C12orf42: variants seen among roughly 807,000 people sequenced by gnomAD.
C12orf42 encodes uncharacterized protein C12orf42.
A neutral mutation model predicts 21.6 loss-of-function variants in C12orf42; 25 were observed. That is an observed-to-expected ratio of 1.16 (90% CI 0.84 to 1.62). The LOEUF (loss-of-function observed/expected upper bound fraction) is 1.62. C12orf42 is among the 40% of genes most tolerant of loss of function. The probability of loss-of-function intolerance (pLI) is 0.00; values close to 1 mark genes in which losing one functional copy is unlikely to be tolerated. For missense variants in C12orf42, 483 were observed against 459.3 expected, an observed-to-expected ratio of 1.05 and a Z score of -0.47; for synonymous variants, 174 against 175.0, an observed-to-expected ratio of 0.99 and a Z score of 0.05.
At chr12:103,239,286 A>G (rs1174703180) in intron 10 of C12orf42, among the ~76,000 whole-genome samples, 1 of 152,162 alleles carries the variant, frequency 6.6e-6, no homozygotes, top group East Asian at 1.9e-4. Context: ...CATCATCATG[A>G]TCACCATCAG....
chr12:103,415,707 C>T (rs546584869), intron 2 of C12orf42, among the ~76,000 whole-genome samples: 2 of 152,112 alleles, frequency 1.3e-5, no homozygotes, highest in African/African-American at 4.8e-5. Flanking sequence ...GTAACATATG[C>T]TTTCAGAGTT....
At chr12:103,522,941 G>A in the C12orf42 span, among the ~76,000 whole-genome samples, 1 of 152,180 alleles carries the variant, frequency 6.6e-6, no homozygotes, top group African/African-American at 2.4e-5. Context: ...AAGTCCCATT[G>A]TTACAGGATT....
intron 2 of C12orf42, among the ~76,000 whole-genome samples, chr12:103,466,127 G>A (rs1953108441): frequency 1.3e-5 from 2 of 152,138 alleles, no homozygotes; most frequent in South Asian, 2.1e-4. Context: ...ATGACTTAGG[G>A]AGGTGTCACT....
intron 4 of C12orf42, among the ~76,000 whole-genome samples, chr12:103,319,259 A>G (rs975411587): frequency 6.6e-6 from 1 of 152,220 alleles, no homozygotes; most frequent in Non-Finnish European, 1.5e-5. Flanking sequence ...TTTTCCCCTC[A>G]TGCTAGAGAA....
At chr12:103,323,899 A>G (rs529734613) in intron 4 of C12orf42, among the ~76,000 whole-genome samples, 11 of 152,212 alleles carry the variant, frequency 7.2e-5, no homozygotes, top group Non-Finnish European at 1.5e-4. Context: ...ACTTAGTATC[A>G]TATTGGATGA....
the C12orf42 span, among the ~76,000 whole-genome samples, chr12:103,167,606 G>A: frequency 3.9e-5 from 6 of 152,070 alleles, no homozygotes; most frequent in Non-Finnish European, 5.9e-5. Context: ...AAAATATGTT[G>A]CTCCTCATTC....
chr12:103,116,381 A>AATATATATATAT, the C12orf42 span, among the ~76,000 whole-genome samples: 11 of 136,690 alleles, frequency 8.0e-5, no homozygotes, highest in African/African-American at 3.0e-4. Context: ...AAAAAAAAAA[A>AATATATATATAT]ATATATATAT....
intron 4 of C12orf42, among the ~76,000 whole-genome samples, chr12:103,343,527 C>T (rs2042338997): frequency 1.3e-5 from 2 of 151,986 alleles, no homozygotes; most frequent in South Asian, 4.2e-4. Context: ...GCCTGTAATC[C>T]CAGCACTTTG....
intron 2 of C12orf42, among the ~76,000 whole-genome samples, chr12:103,414,247 A>G (rs151136883): frequency 6.6e-6 from 1 of 151,990 alleles, no homozygotes; most frequent in Admixed American, 6.6e-5. Flanking sequence ...GATGTTGAGC[A>G]TCTTTTCATA....
the C12orf42 span, among the ~76,000 whole-genome samples, chr12:103,068,602 G>A: frequency 6.6e-6 from 1 of 151,920 alleles, no homozygotes. Flanking sequence ...GCTGGGAAAG[G>A]CAGACCCACC....
chr12:103,272,570 C>T (rs1235563302), intron 5 of C12orf42, among the ~76,000 whole-genome samples: 1 of 152,118 alleles, frequency 6.6e-6, no homozygotes, highest in African/African-American at 2.4e-5. Context: ...CAAGAAAGAA[C>T]ACCCTTATTT....
the C12orf42 span, among the ~76,000 whole-genome samples, chr12:103,131,699 T>C: frequency 6.6e-6 from 1 of 152,304 alleles, no homozygotes; most frequent in African/African-American, 2.4e-5. Context: ...TTATAGTCAT[T>C]TGGGTAGGGC....
intron 2 of C12orf42, among the ~76,000 whole-genome samples, chr12:103,454,946 C>T (rs1952190446): frequency 6.6e-6 from 1 of 152,248 alleles, no homozygotes; most frequent in South Asian, 2.1e-4. Flanking sequence ...TTTAGTTATT[C>T]ACTTTCTATT....
intron 2 of C12orf42, among the ~76,000 whole-genome samples, chr12:103,442,299 G>A (rs17491172): frequency 3.3e-5 from 5 of 152,142 alleles, no homozygotes; most frequent in African/African-American, 9.7e-5. Context: ...GGAGCGATAC[G>A]ATTGATGATC....
At chr12:103,346,949 G>T (rs946306670) in intron 4 of C12orf42, among the ~76,000 whole-genome samples, 2 of 152,124 alleles carry the variant, frequency 1.3e-5, no homozygotes, top group East Asian at 3.8e-4. Context: ...TGTTAATAAA[G>T]AAATTATTTA....
At chr12:103,247,589 G>T (rs1305611663) in intron 10 of C12orf42, among the ~76,000 whole-genome samples, 1 of 152,006 alleles carries the variant, frequency 6.6e-6, no homozygotes, top group Non-Finnish European at 1.5e-5. Flanking sequence ...TCCTAGGCCA[G>T]CTTGTCCTCC....
At chr12:103,121,029 C>A in the C12orf42 span, among the ~76,000 whole-genome samples, 1 of 152,032 alleles carries the variant, frequency 6.6e-6, no homozygotes, top group Non-Finnish European at 1.5e-5. Context: ...CCCAATCTGG[C>A]AAAATCATTT....
chr12:103,409,617 T>G (rs905213377), intron 2 of C12orf42, among the ~76,000 whole-genome samples: 1 of 152,270 alleles, frequency 6.6e-6, no homozygotes, highest in African/African-American at 2.4e-5. Context: ...TGGTCAAAAA[T>G]GGATAGATGT....
intron 4 of C12orf42, among the ~76,000 whole-genome samples, chr12:103,341,825 G>C (rs1305990797): frequency 6.6e-6 from 1 of 152,126 alleles, no homozygotes; most frequent in Admixed American, 6.5e-5. Flanking sequence ...AAGAAATCTT[G>C]AGTGGCTTAT....
Sources: allele counts gnomAD v4.1 joint callset (sites outside exome capture counted in the v4.1 genomes callset), GRCh38; gene constraint gnomAD v4.1.1; transcripts MANE v1.5; gene names NCBI Gene and HGNC (gene_info 2026-07-23, HGNC 2026-07-21).